MYO18B: variants seen among roughly 807,000 people sequenced by gnomAD.
MYO18B encodes unconventional myosin-XVIIIb.
In MYO18B, 204 loss-of-function variants were observed where a neutral mutation model predicts 273.0. The ratio of observed to expected loss-of-function variants is 0.75; its 90% CI spans 0.67 to 0.84. MYO18B has a LOEUF of 0.84. Among genes scored for constraint, MYO18B ranks in the 40% least tolerant of loss-of-function variants. MYO18B has a pLI of 0.00. For synonymous variants in MYO18B, 1,330 were observed against 1,305.7 expected (o/e 1.02, Z -0.40); for missense variants, 3,212 against 3,287.6 (o/e 0.98, Z 0.56).
intron 17 of MYO18B, among the ~76,000 whole-genome samples, chr22:25,836,442 G>A (rs2089903449): frequency 6.6e-6 from 1 of 152,164 alleles, no homozygotes; most frequent in Non-Finnish European, 1.5e-5. Context: ...TTCTGGGGTT[G>A]GGGAGTGTTG....
chr22:25,785,949 T>C (rs1228312719), intron 11 of MYO18B, among the ~76,000 whole-genome samples: 1 of 152,204 alleles, frequency 6.6e-6, no homozygotes, highest in East Asian at 1.9e-4. Flanking sequence ...TTGTCAGTAC[T>C]AGTGGTGGTT....
At chr22:25,906,787 G>C (rs1451804993) in intron 31 of MYO18B, among the ~76,000 whole-genome samples, 5 of 152,182 alleles carry the variant, frequency 3.3e-5, no homozygotes, top group Non-Finnish European at 7.3e-5. Context: ...GCTGGCAAGA[G>C]AGAGTGTGTG....
chr22:25,817,299 T>C (rs992348868), intron 12 of MYO18B, among the ~76,000 whole-genome samples: 4 of 151,704 alleles, frequency 2.6e-5, no homozygotes, highest in African/African-American at 9.7e-5. Context: ...TGTCTCTTTC[T>C]CTCTCTTTCT....
intron 43 of MYO18B, among the ~76,000 whole-genome samples, chr22:26,028,034 AG>A (rs1221316458): frequency 2.9e-4 from 44 of 152,104 alleles, no homozygotes; most frequent in Non-Finnish European, 5.9e-4. Flanking sequence ...ACCTAAGGTC[AG>A]GAGTTTGAGA....
At chr22:25,796,446 A>G (rs2087912947) in intron 11 of MYO18B, among the ~76,000 whole-genome samples, 1 of 151,918 alleles carries the variant, frequency 6.6e-6, no homozygotes, top group East Asian at 1.9e-4. Context: ...ATAAAATAAA[A>G]TCATCTGGGC....
At chr22:25,843,986 G>A in intron 18 of MYO18B, 92 bp downstream of exon 18, 2 of 1,195,818 alleles carry the variant, frequency 1.7e-6, no homozygotes, top group Non-Finnish European at 2.3e-6. Context: ...ACAACACAGT[G>A]TGGGAGGGCC....
chr22:25,807,309 T>A (rs2088522956), intron 12 of MYO18B, among the ~76,000 whole-genome samples: 1 of 152,130 alleles, frequency 6.6e-6, no homozygotes, highest in Non-Finnish European at 1.5e-5. Context: ...CAGTCTAGAG[T>A]GACACAGATC....
the MYO18B span, among the ~76,000 whole-genome samples, chr22:26,053,128 T>C: frequency 6.6e-6 from 1 of 152,138 alleles, no homozygotes; most frequent in Non-Finnish European, 1.5e-5. Context: ...CTTTTTAAGA[T>C]TAATATTGGA....
At chr22:25,932,821 C>T (rs940845249) in intron 34 of MYO18B, among the ~76,000 whole-genome samples, 3 of 133,364 alleles carry the variant, frequency 2.2e-5, no homozygotes, top group African/African-American at 9.2e-5. Flanking sequence ...AGCTGGTGAG[C>T]AAAGAATTTT....
intron 34 of MYO18B, among the ~76,000 whole-genome samples, chr22:25,932,539 G>A (rs2092520845): frequency 6.6e-6 from 1 of 151,900 alleles, no homozygotes; most frequent in Admixed American, 6.6e-5. Context: ...CTCCCAAGTA[G>A]CTGGGATTAT....
Position 25,892,890 on chromosome 22 carries a change from G to A in MYO18B, c.4543+1478G>A, listed in dbSNP as rs182877651. Among the ~76,000 whole-genome samples the A allele has an allele frequency of 3.7e-3, 561 of 152,248 alleles. 11 individuals carry two copies. The highest frequency in any genetic ancestry group is 7.9e-4 in the Non-Finnish European group (54 of 68,028). ...AATCCCCAGAGGGGCGCCAGTGTCA[G>A]TTCCATCTGCGTGAAATTCATGTCT... On this transcript the variant is annotated intron_variant, in intron 27 of 43. Coordinates refer to ENST00000335473, the MANE Select transcript of MYO18B (RefSeq NM_032608.7).
intron 39 of MYO18B, among the ~76,000 whole-genome samples, chr22:25,971,577 C>G (rs547410319): frequency 6.6e-6 from 1 of 152,306 alleles, no homozygotes; most frequent in South Asian, 2.1e-4. Context: ...ATTTGAGAGT[C>G]TGGCAGCTCT....
At chr22:26,014,712 C>T (rs561239716) in intron 42 of MYO18B, among the ~76,000 whole-genome samples, 2 of 152,310 alleles carry the variant, frequency 1.3e-5, no homozygotes, top group East Asian at 1.9e-4. Flanking sequence ...TCTGCAACCT[C>T]ACCAGCACCT....
chr22:25,824,172 A>C (rs1381385091), intron 13 of MYO18B, among the ~76,000 whole-genome samples: 1 of 152,146 alleles, frequency 6.6e-6, no homozygotes, highest in Non-Finnish European at 1.5e-5. Flanking sequence ...TGGCTTAGGC[A>C]GGGGGATGGC....
Position 25,874,151 on chromosome 22 carries a change from C to T in MYO18B, c.3952-135C>T, listed in dbSNP as rs913692657. The T allele has an allele frequency of 1.2e-5, 12 of 1,031,508 alleles. No individual in the cohort carries two copies. In the African/African-American group the frequency reaches 1.6e-4, roughly 14 times the overall value. 63.9% of individuals were successfully genotyped at this position (1,031,508 alleles called of 1,614,324 possible). A position where few individuals can be genotyped will look rare whatever the true frequency, so the allele number is the denominator to read the frequency against. On this transcript the variant is annotated intron_variant, in intron 22 of 43. Coordinates refer to ENST00000335473, the MANE Select transcript of MYO18B (RefSeq NM_032608.7). ...GCTTTGATAATTTAGACTCCCCCACCTCCCACTTAAAGGGCAACTGCCAAC... is the reference window on the plus strand; with the variant it reads ...GCTTTGATAATTTAGACTCCCCCACTTCCCACTTAAAGGGCAACTGCCAAC...
At chr22:25,947,891 T>A in intron 36 of MYO18B, 63 bp downstream of exon 36, 4 of 1,242,180 alleles carry the variant, frequency 3.2e-6, no homozygotes, top group Non-Finnish European at 4.7e-6. Context: ...TGGGGAATGT[T>A]GAGAAGGTGA....
chr22:25,756,257 AATGCAAAAGCCCAC>A (rs1275578184), intron 1 of MYO18B: 5 of 152,346 alleles, frequency 3.3e-5, no homozygotes, highest in Non-Finnish European at 7.3e-5. Context: ...AAAGCAGACT[AATGCAAAAGCCCAC>A]ACTGTGGGAA....
intron 1 of MYO18B, among the ~76,000 whole-genome samples, chr22:25,746,232 C>A (rs1450367645): frequency 6.6e-6 from 1 of 152,184 alleles, no homozygotes; most frequent in African/African-American, 2.4e-5. Flanking sequence ...GGAAACTCAG[C>A]ATCAGAGAGG....
At chr22:25,849,787 A>G (rs1335359227) in intron 20 of MYO18B, among the ~76,000 whole-genome samples, 2 of 152,178 alleles carry the variant, frequency 1.3e-5, no homozygotes, top group African/African-American at 2.4e-5. Context: ...GAAGGCTGCT[A>G]TGGGGCTGGG....
Sources: allele counts gnomAD v4.1 joint callset (sites outside exome capture counted in the v4.1 genomes callset), GRCh38; gene constraint gnomAD v4.1.1; transcripts MANE v1.5; gene names NCBI Gene and HGNC (gene_info 2026-07-23, HGNC 2026-07-21).